The following CD40 variants were observed in gnomAD, a reference collection of about 807,000 sequenced individuals.
CD40 encodes the protein tumor necrosis factor receptor superfamily member 5.
A neutral mutation model predicts 38.5 loss-of-function variants in CD40; 19 were observed. The observed-to-expected ratio is 0.49, with a 90% CI of 0.34 to 0.72. The LOEUF (loss-of-function observed/expected upper bound fraction) is 0.72, where lower values mean the gene tolerates loss of function less well. Among genes scored for constraint, CD40 ranks in the 30% least tolerant of loss-of-function variants. CD40 has a pLI of 0.01. For missense variants in CD40, 256 were observed against 344.1 expected, an observed-to-expected ratio of 0.74 and a Z score of 2.03; for synonymous variants, 130 against 128.7, an observed-to-expected ratio of 1.01 and a Z score of -0.07.
At chr20:46,128,681 C>T (rs896899558) in intron 8 of CD40, 2 of 664,924 alleles carry the variant, frequency 3.0e-6, no homozygotes, top group Admixed American at 2.5e-5. Context: ...GCCCCTTAAG[C>T]CCACTGGCTC....
In CD40 at chr20:46,118,322, T is replaced by A; in HGVS notation, c.-22T>A. 1 of 1,612,886 alleles carries A rather than the reference T, an allele frequency of 6.2e-7. No individual in the cohort carries two copies. The highest frequency in any genetic ancestry group is 1.3e-5 in the African/African-American group (1 of 75,038). On this transcript the variant is annotated 5_prime_UTR_variant, in exon 1 of 9. Coordinates refer to ENST00000372285, the MANE Select transcript of CD40 (RefSeq NM_001250.6). ...GCCTCGCTCGGGCGCCCAGTGGTCCTGCCGCCTGGTCTCACCTCGCTATGG... is the reference window on the plus strand; with the variant it reads ...GCCTCGCTCGGGCGCCCAGTGGTCCAGCCGCCTGGTCTCACCTCGCTATGG...
chr20:46,119,750 C>T (rs977218846), intron 1 of CD40, among the ~76,000 whole-genome samples: 11 of 152,134 alleles, frequency 7.2e-5, no homozygotes, highest in African/African-American at 2.7e-4. Context: ...GGGGGATTGT[C>T]TTGCCAAAGG....
Position 46,129,026 on chromosome 20 carries a change from C to A in CD40, c.820C>A (p.Gln274Lys), listed in dbSNP as rs2085500105. 6.2e-7 allele frequency: 1 copy of A among 1,614,020 alleles called. No individual in the cohort carries two copies. The highest frequency in any genetic ancestry group is 1.1e-5 in the South Asian group (1 of 91,094). The part of the protein sequence containing the change: ...EDGKESRISV[Q>K]ERQ Reference sequence around the variant, plus strand: ...TGGCAAAGAGAGTCGCATCTCAGTGCAGGAGAGACAGTGAGGCTGCACCCA... The same window carrying A: ...TGGCAAAGAGAGTCGCATCTCAGTGAAGGAGAGACAGTGAGGCTGCACCCA... The change falls in exon 9 of 9, where the codon CAG (glutamine) becomes AAG (lysine). Residue 274 changes from glutamine (Q) to lysine (K), a missense_variant. Gln to Lys is a moderately conservative substitution (Grantham distance 53). Coordinates refer to ENST00000372285, the MANE Select transcript of CD40 (RefSeq NM_001250.6).
intron 1 of CD40, among the ~76,000 whole-genome samples, chr20:46,121,052 G>C (rs113340703): frequency 1.3e-5 from 2 of 152,168 alleles, no homozygotes; most frequent in African/African-American, 2.4e-5. Flanking sequence ...GCGATGGAGC[G>C]AGACTCTGTC....
chr20:46,124,190 C>T (rs900592203), intron 5 of CD40, among the ~76,000 whole-genome samples: 1 of 152,162 alleles, frequency 6.6e-6, no homozygotes, highest in African/African-American at 2.4e-5. Context: ...ATCCCAGCTC[C>T]TCGGGAGGCT....
At position 46,122,825 on chromosome 20, in the gene CD40, G is replaced by A. The variant is rs775974865; in HGVS notation, c.403+69G>A. On this transcript the variant is annotated intron_variant, in intron 4 of 8. Transcript: ENST00000372285. The surrounding 1 kb of genome is among the most constrained non-coding windows in gnomAD (Gnocchi z 5.0). ...AGCTTAGGGCCCAAGGTGAGGGGCT[G>A]GGCAGTGGGCACTTAGCCCCAGAGG... The A allele has an allele frequency of 3.8e-6, 6 of 1,583,196 alleles. No homozygotes were observed. Among genetic ancestry groups the A allele is most frequent in the Admixed American group, 3.4e-5 (2 of 58,638 alleles).
chr20:46,121,603 T>C lies in CD40; in HGVS notation c.52-217T>C, dbSNP rs2085318821. The C allele has an allele frequency of 2.8e-5, 17 of 609,058 alleles. 1 individual carries two copies. In the South Asian group the frequency reaches 3.1e-4, roughly 11 times the overall value. The allele number at this position is 609,058 out of a possible 1,614,324, so 37.7% of individuals were successfully genotyped here. The stretch of plus-strand genomic sequence containing the variant: ...TTGTGAGTTTACAGTACCATTGCTT[T>C]GTAAAAATACCAGAATGATTCTCTG... On this transcript the variant is annotated intron_variant, in intron 1 of 8. Coordinates refer to ENST00000372285, the MANE Select transcript of CD40 (RefSeq NM_001250.6).
intron 1 of CD40, among the ~76,000 whole-genome samples, chr20:46,121,094 CAAT>C (rs1235441972): frequency 5.9e-5 from 9 of 152,234 alleles, no homozygotes; most frequent in Admixed American, 2.6e-4. Context: ...TTGAAATTAA[CAAT>C]AAGTAATTAA....
At position 46,122,128 on chromosome 20, in the gene CD40, T is replaced by G. The variant is rs11569316; in HGVS notation, c.131-105T>G. 1 of 1,430,564 alleles carries G rather than the reference T, an allele frequency of 7.0e-7. No homozygotes were observed. The highest frequency in any genetic ancestry group is 9.9e-7 in the Non-Finnish European group (1 of 1,014,810). 88.6% of individuals were successfully genotyped at this position (1,430,564 alleles called of 1,614,324 possible). On this transcript the variant is annotated intron_variant, in intron 2 of 8. Coordinates refer to ENST00000372285, the MANE Select transcript of CD40 (RefSeq NM_001250.6). The surrounding 1 kb of genome is among the most constrained non-coding windows in gnomAD (Gnocchi z 5.0). The stretch of plus-strand genomic sequence containing the variant: ...CCTGATTATGAAGGATCCAAGACTT[T>G]CATCTTTGAATCCCCTACCCTAAAG...
chr20:46,122,025 G>T lies in CD40; in HGVS notation c.130+127G>T. 3 of 1,032,878 alleles carry T rather than the reference G, an allele frequency of 2.9e-6. No individual in the cohort carries two copies. Among genetic ancestry groups the T allele is most frequent in the Admixed American group, 3.9e-5 (2 of 51,824 alleles). The allele number at this position is 1,032,878 out of a possible 1,614,324, so 64.0% of individuals were successfully genotyped here. A position where few individuals can be genotyped will look rare whatever the true frequency, so the allele number is the denominator to read the frequency against. On this transcript the variant is annotated intron_variant, in intron 2 of 8. Coordinates refer to ENST00000372285, the MANE Select transcript of CD40 (RefSeq NM_001250.6). The surrounding 1 kb of genome is among the most constrained non-coding windows in gnomAD (Gnocchi z 5.0). ...ATTTCCCAGCCCTGCTTCACTGTCA[G>T]AATGTTCTGGTTCCCTCTCTACCAG...
chr20:46,124,751 GTTTTTTT>G (rs780015926), intron 5 of CD40, among the ~76,000 whole-genome samples: 2 of 73,936 alleles, frequency 2.7e-5, no homozygotes, highest in Non-Finnish European at 4.9e-5. Flanking sequence ...CACTGGTATA[GTTTTTTT>G]TTTTTTTTTT....
At position 46,122,822 on chromosome 20, in the gene CD40, G is replaced by T; in HGVS notation, c.403+66G>T. 1 of 1,577,712 alleles carries T rather than the reference G, an allele frequency of 6.3e-7. No individual in the cohort carries two copies. Among genetic ancestry groups the T allele is most frequent in the Non-Finnish European group, 8.7e-7 (1 of 1,150,600 alleles). The stretch of plus-strand genomic sequence containing the variant: ...AGGAGCTTAGGGCCCAAGGTGAGGG[G>T]CTGGGCAGTGGGCACTTAGCCCCAG... On this transcript the variant is annotated intron_variant, in intron 4 of 8. Coordinates refer to ENST00000372285, the MANE Select transcript of CD40 (RefSeq NM_001250.6). This position sits in a 1 kb window ranked among gnomAD's most constrained non-coding sequence, Gnocchi z 5.0.
chr20:46,122,214 A>G lies in CD40; in HGVS notation c.131-19A>G, dbSNP rs2085332359. 2 of 1,613,910 alleles carry G rather than the reference A, an allele frequency of 1.2e-6. No individual in the cohort carries two copies. Among genetic ancestry groups the G allele is most frequent in the Admixed American group, 3.3e-5 (2 of 59,984 alleles). ...ATGGAGTTGGCCAGAGCCCTCCCTCATTTCCTGATGTTTTCCAGGACAGAA... is the reference window on the plus strand; with the variant it reads ...ATGGAGTTGGCCAGAGCCCTCCCTCGTTTCCTGATGTTTTCCAGGACAGAA... On this transcript the variant is annotated intron_variant, in intron 2 of 8. Transcript: ENST00000372285. This position sits in a 1 kb window ranked among gnomAD's most constrained non-coding sequence, Gnocchi z 5.0.
In CD40 at chr20:46,122,813, A is replaced by G; in HGVS notation, c.403+57A>G. 1 of 1,605,770 alleles carries G rather than the reference A, an allele frequency of 6.2e-7. No individual in the cohort carries two copies. Among genetic ancestry groups the G allele is most frequent in the Admixed American group, 1.7e-5 (1 of 59,718 alleles). ...GGGGGACAGAGGAGCTTAGGGCCCA[A>G]GGTGAGGGGCTGGGCAGTGGGCACT... On this transcript the variant is annotated intron_variant, in intron 4 of 8. Transcript: ENST00000372285. This position sits in a 1 kb window ranked among gnomAD's most constrained non-coding sequence, Gnocchi z 5.0.
intron 6 of CD40, 177 bp downstream of exon 6, chr20:46,126,878 C>A: frequency 2.0e-6 from 2 of 1,008,438 alleles, no homozygotes; most frequent in Non-Finnish European, 3.0e-6. Context: ...CCTCTCTTAG[C>A]CTCAGTTTCT....
Position 46,122,519 on chromosome 20 carries a change from T to C in CD40, c.257-91T>C. The C allele has an allele frequency of 1.9e-6, 3 of 1,588,864 alleles. No homozygotes were observed. The highest frequency in any genetic ancestry group is 2.6e-6 in the Non-Finnish European group (3 of 1,159,426). ...ATTGCCATCTCTACTTGGAAGAGGG[T>C]CTGAGGAAGAAAGAGCAGGCAATGT... On this transcript the variant is annotated intron_variant, in intron 3 of 8. Transcript: ENST00000372285. The surrounding 1 kb of genome is among the most constrained non-coding windows in gnomAD (Gnocchi z 5.0).
intron 6 of CD40, 24 bp from the exon 7 acceptor site, chr20:46,128,114 A>T: frequency 6.2e-7 from 1 of 1,614,060 alleles, no homozygotes; most frequent in Non-Finnish European, 8.5e-7. Flanking sequence ...TGAGGGGTGC[A>T]TGCTGAAGTC....
intron 8 of CD40, 101 bp from the exon 9 acceptor site, chr20:46,128,781 G>T (rs745669288): frequency 3.9e-6 from 5 of 1,285,174 alleles, no homozygotes; most frequent in East Asian, 4.8e-5. Context: ...GTCTGGGAAA[G>T]GGGGGAGGGC....
chr20:46,122,535 C>T lies in CD40; in HGVS notation c.257-75C>T. ...GGAAGAGGGTCTGAGGAAGAAAGAGCAGGCAATGTGGGGAGTGAGGCTCAG... is the reference window on the plus strand; with the variant it reads ...GGAAGAGGGTCTGAGGAAGAAAGAGTAGGCAATGTGGGGAGTGAGGCTCAG... On this transcript the variant is annotated intron_variant, in intron 3 of 8. Transcript: ENST00000372285. This position sits in a 1 kb window ranked among gnomAD's most constrained non-coding sequence, Gnocchi z 5.0. The T allele has an allele frequency of 6.3e-7, 1 of 1,598,716 alleles. No individual in the cohort carries two copies. Among genetic ancestry groups the T allele is most frequent in the East Asian group, 2.2e-5 (1 of 44,796 alleles).
Sources: allele counts gnomAD v4.1 joint callset (sites outside exome capture counted in the v4.1 genomes callset), GRCh38; gene constraint gnomAD v4.1.1; non-coding constraint Gnocchi (gnomAD v3.1); transcripts MANE v1.5; gene names NCBI Gene and HGNC (gene_info 2026-07-23, HGNC 2026-07-21).